The following ZNF133 variants were observed in gnomAD, a reference collection of about 807,000 sequenced individuals.
The protein encoded by ZNF133 is zinc finger protein 133.
ZNF133 carries 26 observed loss-of-function variants against 54.9 expected under a neutral mutation model. The ratio of observed to expected loss-of-function variants is 0.47; its 90% CI spans 0.35 to 0.66. The LOEUF is 0.66. Among genes scored for constraint, ZNF133 ranks in the 30% least tolerant of loss-of-function variants. The pLI is 0.01. For missense variants in ZNF133, 653 were observed against 820.8 expected (o/e 0.80, Z 2.50); for synonymous variants, 298 against 320.3 (o/e 0.93, Z 0.74).
At chr20:18,309,075 T>C (rs1451786947) in intron 6 of ZNF133, among the ~76,000 whole-genome samples, 1 of 152,236 alleles carries the variant, frequency 6.6e-6, no homozygotes, top group Non-Finnish European at 1.5e-5. Context: ...TGTCTTCACA[T>C]GGCCCTTTCT....
In ZNF133 at chr20:18,305,249, C is replaced by T; in HGVS notation, c.-7+71C>T. ...CTCAGGCACCATGATTCCAGGGCTT[C>T]ACTACTCTCTGCTTGTGACCATCAG... On this transcript the variant is annotated intron_variant, in intron 4 of 6. Coordinates refer to ENST00000425686, the MANE Select transcript of ZNF133 (RefSeq NM_001352452.2). The surrounding 1 kb of genome is among the most constrained non-coding windows in gnomAD (Gnocchi z 4.7). 1 of 969,328 alleles carries T rather than the reference C, an allele frequency of 1.0e-6. No individual in the cohort carries two copies. Among genetic ancestry groups the T allele is most frequent in the Non-Finnish European group, 1.2e-6 (1 of 812,614 alleles). The allele number at this position is 969,328 out of a possible 1,614,324, so 60.0% of individuals were successfully genotyped here.
At position 18,316,321 on chromosome 20, in the gene ZNF133, C is replaced by T. The variant is rs558586326; in HGVS notation, c.1470C>T (p.Gly490=). 4.4e-6 allele frequency: 7 copies of T among 1,607,482 alleles called. No homozygotes were observed. Among genetic ancestry groups the T allele is most frequent in the East Asian group, 4.5e-5 (2 of 44,356 alleles). The change falls in exon 7 of 7, where the codon GGC becomes GGT. Residue 490 remains glycine (G), a synonymous_variant. Transcript: ENST00000425686. ...TCAGACACCAGAGGACGCACTCAGG[C>T]GAGAAGCCCATGGTGTGTGGGGAGT... ...NLIRHQRTHS[G]EKPMVCGECG...
intron 6 of ZNF133, among the ~76,000 whole-genome samples, chr20:18,312,422 A>T (rs1229393187): frequency 6.6e-6 from 1 of 152,252 alleles, no homozygotes; most frequent in Admixed American, 6.5e-5. Context: ...GTTTACACTG[A>T]TAAAATAAGG....
At chr20:18,308,093 A>G (rs1189111025) in intron 6 of ZNF133, among the ~76,000 whole-genome samples, 2 of 152,132 alleles carry the variant, frequency 1.3e-5, no homozygotes, top group African/African-American at 4.8e-5. Context: ...CTCTGTGGGG[A>G]TAGAATTGGG....
At chr20:18,290,161 C>G (rs2040620456) in intron 1 of ZNF133, 1 of 152,186 alleles carries the variant, frequency 6.6e-6, no homozygotes, top group Non-Finnish European at 1.5e-5. Flanking sequence ...ATGTCCCATC[C>G]AGGGATCAGG....
At chr20:18,302,809 C>T (rs1256727246) in intron 3 of ZNF133, among the ~76,000 whole-genome samples, 1 of 152,144 alleles carries the variant, frequency 6.6e-6, no homozygotes, top group Non-Finnish European at 1.5e-5. Context: ...ACACACAAAC[C>T]TATTAGAACT....
chr20:18,301,140 A>G (rs1444888048), intron 3 of ZNF133, among the ~76,000 whole-genome samples: 4 of 152,198 alleles, frequency 2.6e-5, no homozygotes, highest in African/African-American at 4.8e-5. Flanking sequence ...AAATTTAAAA[A>G]TTCACAAATA....
chr20:18,310,695 CATG>C (rs1412988417), intron 6 of ZNF133, among the ~76,000 whole-genome samples: 1 of 152,060 alleles, frequency 6.6e-6, no homozygotes, highest in Non-Finnish European at 1.5e-5. Flanking sequence ...TATTGTATAA[CATG>C]ATGACTACAG....
chr20:18,314,965 G>A, intron 6 of ZNF133, 104 bp from the exon 7 acceptor site: 1 of 1,141,664 alleles, frequency 8.8e-7, no homozygotes, highest in Non-Finnish European at 1.2e-6. Context: ...CGGTTGGATG[G>A]CACTTAAGGC....
chr20:18,296,934 T>G (rs1276445270), intron 1 of ZNF133, among the ~76,000 whole-genome samples: 4 of 152,198 alleles, frequency 2.6e-5, no homozygotes, highest in Non-Finnish European at 4.4e-5. Flanking sequence ...GAACTCATGT[T>G]TTTTGTTTAG....
At chr20:18,289,822 T>A (rs1324770112) in intron 1 of ZNF133, 2 of 152,236 alleles carry the variant, frequency 1.3e-5, no homozygotes, top group African/African-American at 4.8e-5. Flanking sequence ...TCAGGGCAGG[T>A]CGTGCTTTCA....
At position 18,307,403 on chromosome 20, in the gene ZNF133, A is replaced by G. The variant is rs577716686; in HGVS notation, c.217+1010A>G. Among the ~76,000 whole-genome samples the G allele has an allele frequency of 2.6e-5, 4 of 152,218 alleles. No individual in the cohort carries two copies. The South Asian group carries it at 8.3e-4, about 32-fold the overall frequency. On this transcript the variant is annotated intron_variant, in intron 6 of 6. Transcript: ENST00000425686. Reference sequence around the variant, plus strand: ...ATCTTCGCTCGATGTAGAATTCTACATTGGTTATTTTTTCAGCACGTTAAA... The same window carrying G: ...ATCTTCGCTCGATGTAGAATTCTACGTTGGTTATTTTTTCAGCACGTTAAA...
chr20:18,305,849 G>A lies in ZNF133; in HGVS notation c.121+42G>A. The A allele has an allele frequency of 6.3e-7, 1 of 1,574,850 alleles. No individual in the cohort carries two copies. The highest frequency in any genetic ancestry group is 8.6e-7 in the Non-Finnish European group (1 of 1,158,348). On this transcript the variant is annotated intron_variant, in intron 5 of 6. Transcript: ENST00000425686. This position sits in a 1 kb window ranked among gnomAD's most constrained non-coding sequence, Gnocchi z 4.7. ...TTAGGATTCCCATTCTTATTGCTGG[G>A]AATTTTAGGCTATGCTTGAAGCAGC... is the stretch of plus-strand genomic sequence containing the variant.
chr20:18,300,909 A>G (rs1365777812), intron 3 of ZNF133, among the ~76,000 whole-genome samples: 1 of 152,128 alleles, frequency 6.6e-6, no homozygotes, highest in African/African-American at 2.4e-5. Flanking sequence ...AAGAAAGACA[A>G]TAAGTAAAAA....
chr20:18,306,466 C>T, intron 6 of ZNF133, 73 bp downstream of exon 6: 1 of 1,465,620 alleles, frequency 6.8e-7, no homozygotes, highest in Non-Finnish European at 9.4e-7. Flanking sequence ...GGAGGCGTTG[C>T]TCAGGTGCTG....
At chr20:18,288,766 C>T (rs2040221236) in intron 1 of ZNF133, among the ~76,000 whole-genome samples, 162 bp downstream of exon 1, 1 of 152,186 alleles carries the variant, frequency 6.6e-6, no homozygotes, top group Non-Finnish European at 1.5e-5. Context: ...AGGCCGTCCT[C>T]TCCCAGATGT....
intron 3 of ZNF133, among the ~76,000 whole-genome samples, chr20:18,300,063 GTAAC>G (rs1472025235): frequency 1.3e-5 from 2 of 152,142 alleles, no homozygotes; most frequent in African/African-American, 4.8e-5. Flanking sequence ...TAGTATTACT[GTAAC>G]TGTGCTTTGT....
intron 1 of ZNF133, among the ~76,000 whole-genome samples, chr20:18,292,730 G>A (rs1349236113): frequency 6.6e-6 from 1 of 152,194 alleles, no homozygotes; most frequent in Non-Finnish European, 1.5e-5. Flanking sequence ...ATGTCAGTGA[G>A]GGTAGATTTT....
intron 1 of ZNF133, among the ~76,000 whole-genome samples, chr20:18,288,983 C>G (rs529805208): frequency 1.3e-5 from 2 of 152,110 alleles, no homozygotes; most frequent in East Asian, 3.9e-4. Flanking sequence ...AATAAATAAG[C>G]TTTTTGGGGG....
Sources: allele counts gnomAD v4.1 joint callset (sites outside exome capture counted in the v4.1 genomes callset), GRCh38; gene constraint gnomAD v4.1.1; non-coding constraint Gnocchi (gnomAD v3.1); transcripts MANE v1.5; gene names NCBI Gene and HGNC (gene_info 2026-07-23, HGNC 2026-07-21).